The following NHSL1 variants were observed in gnomAD, a reference collection of about 807,000 sequenced individuals.
The protein encoded by NHSL1 is NHS-like protein 1.
In NHSL1, 48 loss-of-function variants were observed where a neutral mutation model predicts 95.0. The ratio of observed to expected loss-of-function variants is 0.51; its 90% CI spans 0.40 to 0.64. NHSL1 has a LOEUF of 0.64. Ranked by LOEUF, NHSL1 falls within the 30% of genes least tolerant of loss-of-function variation. The pLI is 0.00. For synonymous variants in NHSL1, 783 were observed against 833.9 expected, an observed-to-expected ratio of 0.94 and a Z score of 1.05; for missense variants, 1,971 against 2,077.7, an observed-to-expected ratio of 0.95 and a Z score of 1.00.
Position 138,496,333 on chromosome 6 carries a change from G to A in NHSL1, c.97C>T (p.His33Tyr). The change falls in exon 2 of 8, where the codon CAC (histidine) becomes TAC (tyrosine). Residue 33 changes from histidine to tyrosine, a missense_variant. His to Tyr is a moderately conservative substitution (Grantham distance 83). Around this residue, in one of 3 missense-constraint regions of NHSL1, gnomAD observed 1,602 missense variants for 1,654.5 expected, o/e 0.97. Transcript: ENST00000343505. ...NLDEESRWTV[H>Y]YTAPWHQQEN... ...TGCTGGTGCCACGGGGCAGTGTAGT[G>A]GACTGTCCATCGGCTTTCCTCATCT... 1 of 1,550,538 alleles carries A rather than the reference G, an allele frequency of 6.4e-7. No individual in the cohort carries two copies. Among genetic ancestry groups the A allele is most frequent in the Non-Finnish European group, 8.7e-7 (1 of 1,146,890 alleles).
intron 1 of NHSL1, among the ~76,000 whole-genome samples, chr6:138,529,852 T>A (rs1782063430): frequency 1.3e-5 from 2 of 152,232 alleles, no homozygotes; most frequent in African/African-American, 4.8e-5. Context: ...AGGTCATTGA[T>A]TAGTAACTTT....
intron 1 of NHSL1, among the ~76,000 whole-genome samples, chr6:138,674,547 C>T (rs1785423136): frequency 6.6e-6 from 1 of 152,162 alleles, no homozygotes; most frequent in Admixed American, 6.6e-5. Context: ...TCAGCTCCCA[C>T]TTATAAGTGA....
At chr6:138,500,195 C>T (rs1246340886), upstream of NHSL1, among the ~76,000 whole-genome samples, 1 of 152,122 alleles carries the variant, frequency 6.6e-6, no homozygotes, top group African/African-American at 2.4e-5. Flanking sequence ...ACTTAGGCTC[C>T]TGGTTTTCAG....
chr6:138,518,171 C>A (rs1254037832), intron 1 of NHSL1, among the ~76,000 whole-genome samples: 1 of 152,130 alleles, frequency 6.6e-6, no homozygotes, highest in Non-Finnish European at 1.5e-5. Context: ...AGTTTTGCTT[C>A]AAATCCAGAA....
intron 2 of NHSL1, among the ~76,000 whole-genome samples, chr6:138,473,804 G>T (rs184045084): frequency 5.7e-4 from 86 of 151,788 alleles, no homozygotes; most frequent in Non-Finnish European, 7.7e-4. Context: ...ATTAATCCAG[G>T]GCCTTAGTTA....
intron 1 of NHSL1, among the ~76,000 whole-genome samples, chr6:138,610,489 T>C (rs1377190414): frequency 2.7e-5 from 4 of 150,928 alleles, no homozygotes; most frequent in African/African-American, 9.8e-5. Context: ...TGTATACATA[T>C]GTTACAAACC....
chr6:138,682,433 G>A (rs1785524236), intron 1 of NHSL1, among the ~76,000 whole-genome samples: 1 of 152,198 alleles, frequency 6.6e-6, no homozygotes. Flanking sequence ...TAAGTTTGAT[G>A]TAGTCTCAAA....
At chr6:138,684,761 G>A (rs1785562776) in intron 1 of NHSL1, among the ~76,000 whole-genome samples, 1 of 152,200 alleles carries the variant, frequency 6.6e-6, no homozygotes, top group East Asian at 1.9e-4. Flanking sequence ...AAGTGCAGCT[G>A]AAGTGCACAC....
chr6:138,455,577 G>GGAGCCCCGCCTTCACA (rs1554226717), intron 3 of NHSL1, among the ~76,000 whole-genome samples: 1 of 137,712 alleles, frequency 7.3e-6, no homozygotes, highest in South Asian at 2.3e-4. Context: ...ATGCTTCCTG[G>GGAGCCCCGCCTTCACA]TGCTTTCGAG....
At position 138,643,344 on chromosome 6, in the gene NHSL1, G is replaced by C. The variant is rs144806107; in HGVS notation, c.96+49132C>G. Among the ~76,000 whole-genome samples the C allele has an allele frequency of 7.6e-3, 1,155 of 152,146 alleles. 7 individuals are homozygous for C. Among genetic ancestry groups the C allele is most frequent in the Non-Finnish European group, 8.7e-3 (595 of 68,008 alleles). Reference sequence around the variant, plus strand: ...TCCTCCTTTATCCACATCCTCCATGGGGTGGTGCATTTGTTACAACTGATG... The same window carrying C: ...TCCTCCTTTATCCACATCCTCCATGCGGTGGTGCATTTGTTACAACTGATG... On this transcript the variant is annotated intron_variant, in intron 1 of 3. Transcript: ENST00000491526.
chr6:138,635,164 G>A (rs757785397), intron 1 of NHSL1, among the ~76,000 whole-genome samples: 1 of 149,904 alleles, frequency 6.7e-6, no homozygotes, highest in African/African-American at 2.4e-5. Flanking sequence ...ATTCCTAGAA[G>A]AAAAGAAATA....
At chr6:138,546,073 A>G (rs1583391652), upstream of NHSL1, among the ~76,000 whole-genome samples, 2 of 152,188 alleles carry the variant, frequency 1.3e-5, no homozygotes, top group African/African-American at 4.8e-5. Flanking sequence ...ATGACTTACT[A>G]TTCACTGACT....
Position 138,424,111 on chromosome 6 carries a change from C to G in NHSL1, c.4791G>C (p.Gln1597His). The stretch of plus-strand genomic sequence containing the variant: ...TCTCCTCGCTCAGAGAACCGCCACA[C>G]TGTGGGGAGGGCTCTCTGCCCTCTG... ...ASAEGREPSP[Q>H]CGGSLSEES is the part of the protein sequence containing the mutation. The change falls in exon 8 of 8, where the codon CAG becomes CAC. Residue 1597 changes from glutamine to histidine, a missense_variant. Coordinates refer to ENST00000343505, the MANE Select transcript of NHSL1 (RefSeq NM_001144060.2). The surrounding 1 kb of genome is among the most constrained non-coding windows in gnomAD (Gnocchi z 5.9). 7.1e-7 allele frequency: 1 copy of G among 1,411,254 alleles called. No homozygotes were observed. Among genetic ancestry groups the G allele is most frequent in the Middle Eastern group, 1.9e-4 (1 of 5,304 alleles). The allele number at this position is 1,411,254 out of a possible 1,614,324, so 87.4% of individuals were successfully genotyped here. A position where few individuals can be genotyped will look rare whatever the true frequency, so the allele number is the denominator to read the frequency against.
intron 1 of NHSL1, among the ~76,000 whole-genome samples, chr6:138,683,216 A>G (rs546396501): frequency 2.6e-5 from 4 of 152,232 alleles, no homozygotes; most frequent in African/African-American, 9.6e-5. Context: ...GGAGCCACAT[A>G]TACTTTCACA....
chr6:138,499,573 A>C, upstream of NHSL1: 1 of 417,642 alleles, frequency 2.4e-6, no homozygotes. Flanking sequence ...GAGAAAGCCA[A>C]TCACGGTTCT....
At chr6:138,594,801 CT>C (rs1338088442) in intron 1 of NHSL1, among the ~76,000 whole-genome samples, 29 of 152,176 alleles carry the variant, frequency 1.9e-4, no homozygotes, top group Admixed American at 8.5e-4. Context: ...CAAAAGTGGA[CT>C]TTTTCTTTTC....
upstream of NHSL1, among the ~76,000 whole-genome samples, chr6:138,503,055 A>G (rs1780771782): frequency 6.6e-6 from 1 of 152,166 alleles, no homozygotes; most frequent in Non-Finnish European, 1.5e-5. Flanking sequence ...TCCAATTTAT[A>G]TCCACATACT....
rs532955406 is a variant in NHSL1 at position 138,494,399 on chromosome 6, A to C, written c.211+1820T>G. Among the ~76,000 whole-genome samples the C allele has an allele frequency of 4.1e-4, 62 of 152,334 alleles. 1 individual carries two copies. Among genetic ancestry groups the C allele is most frequent in the African/African-American group, 1.4e-3 (58 of 41,572 alleles). ...TAAATCCTGGTCCTACTGCTAATTA[A>C]CTTGGAGATCTTGGGAAAGTTTCTA... On this transcript the variant is annotated intron_variant, in intron 2 of 7. Transcript: ENST00000343505.
At chr6:138,573,210 A>G (rs180917595), upstream of NHSL1, among the ~76,000 whole-genome samples, 113 of 152,312 alleles carry the variant, frequency 7.4e-4, no homozygotes, top group African/African-American at 2.5e-3. Context: ...TCTGCAAACT[A>G]TCTAGAGCCA....
Sources: gnomAD v4.1 joint callset for allele counts (sites outside exome capture counted in the v4.1 genomes callset) on GRCh38, gnomAD v4.1.1 for gene constraint, gnomAD v4.1.1 regional missense constraint, Gnocchi (gnomAD v3.1) non-coding constraint, MANE v1.5 for transcripts, NCBI Gene and HGNC (gene_info 2026-07-23, HGNC 2026-07-21) for gene names.